The following SERPINB10 variants were observed in gnomAD, a reference collection of about 807,000 sequenced individuals.
The protein encoded by SERPINB10 is serpin B10.
SERPINB10 carries 35 observed loss-of-function variants against 39.1 expected under a neutral mutation model. That is an observed-to-expected ratio of 0.90 (90% CI 0.68 to 1.19). The LOEUF (loss-of-function observed/expected upper bound fraction) is 1.19, where lower values mean the gene tolerates loss of function less well. Among genes scored for constraint, SERPINB10 ranks in the 50% most tolerant of loss-of-function variants. The probability of loss-of-function intolerance (pLI) is 0.00; values close to 1 mark genes in which losing one functional copy is unlikely to be tolerated. For missense variants in SERPINB10, 546 were observed against 460.5 expected (o/e 1.19, Z -1.70); for synonymous variants, 190 against 158.1 (o/e 1.20, Z -1.52).
intron 6 of SERPINB10, 108 bp from the exon 7 acceptor site, chr18:63,932,940 C>A: frequency 1.0e-6 from 1 of 971,706 alleles, no homozygotes; most frequent in Non-Finnish European, 1.5e-6. Flanking sequence ...AGCAGAGAAT[C>A]AGCAGTTTCA....
intron 5 of SERPINB10, among the ~76,000 whole-genome samples, chr18:63,925,259 G>C (rs368293324): frequency 6.6e-6 from 1 of 151,956 alleles, no homozygotes; most frequent in Non-Finnish European, 1.5e-5. Flanking sequence ...AATAGATACA[G>C]ATGTGTGTAT....
chr18:63,918,456 G>C (rs887104845), intron 4 of SERPINB10, among the ~76,000 whole-genome samples: 1 of 151,938 alleles, frequency 6.6e-6, no homozygotes, highest in African/African-American at 2.4e-5. Flanking sequence ...CAGACTTTGG[G>C]AACATGAAAC....
At chr18:63,922,415 T>C (rs2050152810) in intron 5 of SERPINB10, among the ~76,000 whole-genome samples, 1 of 152,004 alleles carries the variant, frequency 6.6e-6, no homozygotes. Flanking sequence ...AAGTATGTTA[T>C]GACCTAAACA....
chr18:63,910,028 G>A (rs962049111), intron 1 of SERPINB10, among the ~76,000 whole-genome samples: 1 of 151,958 alleles, frequency 6.6e-6, no homozygotes, highest in Non-Finnish European at 1.5e-5. Context: ...ATTTAGAGGT[G>A]GGGAAGCTGT....
intron 4 of SERPINB10, among the ~76,000 whole-genome samples, chr18:63,918,633 A>T (rs1374114883): frequency 6.6e-6 from 1 of 152,038 alleles, no homozygotes; most frequent in Non-Finnish European, 1.5e-5. Context: ...CCAGTGGGCA[A>T]AGAGCAAGGA....
chr18:63,928,498 C>G (rs558623965), intron 5 of SERPINB10, among the ~76,000 whole-genome samples: 3 of 152,034 alleles, frequency 2.0e-5, no homozygotes, highest in Admixed American at 6.6e-5. Context: ...TTTTGGGCAA[C>G]AGGAAAACAT....
chr18:63,923,316 A>C (rs2050159194), intron 5 of SERPINB10, among the ~76,000 whole-genome samples: 6 of 152,006 alleles, frequency 3.9e-5, no homozygotes, highest in Admixed American at 3.9e-4. Context: ...GGAATTAATT[A>C]GTTCTTTAGG....
intron 5 of SERPINB10, among the ~76,000 whole-genome samples, chr18:63,929,067 T>C (rs1417222248): frequency 6.6e-6 from 1 of 152,300 alleles, no homozygotes; most frequent in Non-Finnish European, 1.5e-5. Context: ...ATATGAACCA[T>C]AGTATCTCTT....
chr18:63,934,713 T>C, intron 7 of SERPINB10, 125 bp from the exon 8 acceptor site: 2 of 949,034 alleles, frequency 2.1e-6, no homozygotes, highest in Non-Finnish European at 3.0e-6. Flanking sequence ...GTGTGTGTGT[T>C]GTCACCCTGA....
chr18:63,911,534 G>T (rs2050064390), intron 1 of SERPINB10, among the ~76,000 whole-genome samples: 1 of 151,830 alleles, frequency 6.6e-6, no homozygotes. Flanking sequence ...ATTGAATAGA[G>T]TCCTTTCCCA....
chr18:63,916,473 A>T (rs934702670), intron 2 of SERPINB10, among the ~76,000 whole-genome samples: 1 of 152,010 alleles, frequency 6.6e-6, no homozygotes, highest in African/African-American at 2.4e-5. Flanking sequence ...CACGGTTGGT[A>T]ATTCTGAGGG....
At chr18:63,915,864 C>T (rs1344990132) in intron 2 of SERPINB10, among the ~76,000 whole-genome samples, 186 bp downstream of exon 2, 1 of 152,044 alleles carries the variant, frequency 6.6e-6, no homozygotes, top group Admixed American at 6.6e-5. Flanking sequence ...AATTTGCAAA[C>T]TGTTGCTAGG....
At chr18:63,934,790 T>A (rs778235710) in intron 7 of SERPINB10, 48 bp from the exon 8 acceptor site, 1 of 1,544,866 alleles carries the variant, frequency 6.5e-7, no homozygotes, top group Non-Finnish European at 8.7e-7. Context: ...TGTTTTTCAT[T>A]CCACTTTGGA....
rs550376818 is a variant in SERPINB10, at chr18:63,930,109, C to T, written c.555C>T (p.Asn185=). 4.8e-5 allele frequency: 78 copies of T among 1,613,336 alleles called. No individual in the cohort carries two copies. The highest frequency in any genetic ancestry group is 9.3e-5 in the African/African-American group (7 of 74,894). ...CCACAACCAGGATGATTCTGGTGAA[C>T]GCCCTATACTTTAAAGGAATCTGGG... The part of the protein sequence containing the change: ...VDSTTRMILV[N]ALYFKGIWEH... Residue 185 remains asparagine, a synonymous_variant, in exon 6 of 8, where the codon AAC becomes AAT. Coordinates refer to ENST00000238508, the MANE Select transcript of SERPINB10 (RefSeq NM_005024.3).
intron 5 of SERPINB10, among the ~76,000 whole-genome samples, chr18:63,929,730 A>G (rs950559673): frequency 1.9e-4 from 17 of 88,264 alleles, no homozygotes; most frequent in East Asian, 9.2e-4. Flanking sequence ...AAAAAAAAAA[A>G]AAAGAAAAAA....
chr18:63,929,734 G>T (rs201140809), intron 5 of SERPINB10, among the ~76,000 whole-genome samples: 7 of 113,868 alleles, frequency 6.1e-5, no homozygotes, highest in South Asian at 5.8e-4. Flanking sequence ...AAAAAAAAAA[G>T]AAAAAAAAAA....
Position 63,935,379 on chromosome 18 carries a change from G to A in SERPINB10, c.*137G>A. ...ATTTGAATATAAGTAAATAGATCTT[G>A]AAATAATGCATTCTAATGATCCTGT... On this transcript the variant is annotated 3_prime_UTR_variant, in exon 8 of 8. Coordinates refer to ENST00000238508, the MANE Select transcript of SERPINB10 (RefSeq NM_005024.3). The A allele has an allele frequency of 1.2e-6, 1 of 819,484 alleles. No individual in the cohort carries two copies. The highest frequency in any genetic ancestry group is 1.9e-5 in the South Asian group (1 of 53,002). The allele number at this position is 819,484 out of a possible 1,614,324, so 50.8% of individuals were successfully genotyped here. A position where few individuals can be genotyped will look rare whatever the true frequency, so the allele number is the denominator to read the frequency against.
In SERPINB10 at chr18:63,917,995, C is replaced by G. The variant is rs749026274; in HGVS notation, c.265C>G (p.His89Asp). The G allele has an allele frequency of 1.9e-6, 3 of 1,611,962 alleles. No homozygotes were observed. The South Asian group carries it at 3.3e-5, about 18-fold the overall frequency. The change falls in exon 4 of 8, where the codon CAC becomes GAC. Residue 89 changes from histidine to aspartate, a missense_variant. His to Asp is a moderately conservative substitution (Grantham distance 81). Coordinates refer to ENST00000238508, the MANE Select transcript of SERPINB10 (RefSeq NM_005024.3). The part of the protein sequence containing the change: ...EFNLSNSEEI[H>D]SDFQTLISEI... ...CAACTTGAGCAACTCGGAAGAAATA[C>G]ACTCTGATTTCCAAACACTTATCTC...
rs751534966 is a variant in SERPINB10 at position 63,915,624 on chromosome 18, C to T, written c.114C>T (p.Ser38=). 5.6e-6 allele frequency: 9 copies of T among 1,612,730 alleles called. No individual in the cohort carries two copies. Among genetic ancestry groups the T allele is most frequent in the Non-Finnish European group, 7.6e-6 (9 of 1,179,192 alleles). ...TTTCTTCCTGGAGCATCTCAACTTC[C>T]TTGACCATAGTGTATTTGGGCGCCA... ...IFFSSWSIST[S]LTIVYLGAKG... The change falls in exon 2 of 8, where the codon TCC becomes TCT. Residue 38 remains serine, a synonymous_variant. Transcript: ENST00000238508.
Sources: allele counts gnomAD v4.1 joint callset (sites outside exome capture counted in the v4.1 genomes callset), GRCh38; gene constraint gnomAD v4.1.1; transcripts MANE v1.5; gene names NCBI Gene and HGNC (gene_info 2026-07-23, HGNC 2026-07-21).